DLG2: variants seen among roughly 807,000 people sequenced by gnomAD.
DLG2 encodes disks large homolog 2.
Under a neutral mutation model 132.5 loss-of-function variants are expected in DLG2, and 45 were observed. The ratio of observed to expected loss-of-function variants is 0.34; its 90% confidence interval spans 0.27 to 0.44. DLG2 has a LOEUF of 0.44. Among genes scored for constraint, DLG2 ranks in the 20% least tolerant of loss-of-function variants. DLG2 has a pLI of 1.00. For missense variants in DLG2, 1,045 were observed against 1,196.9 expected, an observed-to-expected ratio of 0.87 and a Z score of 1.87; for synonymous variants, 424 against 419.6, an observed-to-expected ratio of 1.01 and a Z score of -0.13.
At chr11:85,219,472 T>A (rs1281790983) in intron 4 of DLG2, among the ~76,000 whole-genome samples, 1 of 151,982 alleles carries the variant, frequency 6.6e-6, no homozygotes, top group African/African-American at 2.4e-5. Flanking sequence ...TACTGCATGA[T>A]GGTCAAAATA....
In DLG2 at chr11:83,975,829, A is replaced by G. The variant is rs189738623; in HGVS notation, c.1056+4677T>C. 2.4e-3 allele frequency among the ~76,000 whole-genome samples: 371 copies of G among 152,080 alleles called. 3 individuals carry two copies. The highest frequency in any genetic ancestry group is 8.5e-3 in the African/African-American group (355 of 41,546). ...TTGTTTTCAAGTGACAGAGCTATGAATAAAGGGGGACATTTACAGGAAAAT... is the reference window on the plus strand; with the variant it reads ...TTGTTTTCAAGTGACAGAGCTATGAGTAAAGGGGGACATTTACAGGAAAAT... On this transcript the variant is annotated intron_variant, in intron 12 of 27. Coordinates refer to ENST00000376104, the MANE Select transcript of DLG2 (RefSeq NM_001142699.3).
chr11:85,169,378 G>T (rs2078684564), intron 4 of DLG2, among the ~76,000 whole-genome samples: 2 of 152,030 alleles, frequency 1.3e-5, no homozygotes, highest in South Asian at 4.1e-4. Context: ...AAAATAAACT[G>T]ATAACATGAA....
intron 6 of DLG2, among the ~76,000 whole-genome samples, chr11:85,025,852 T>C (rs796322973): frequency 1.3e-5 from 2 of 151,546 alleles, no homozygotes; most frequent in African/African-American, 2.4e-5. Flanking sequence ...CAGTATATGA[T>C]AAACATAACA....
Position 85,481,384 on chromosome 11 carries a change from A to C in DLG2, c.40+117273T>G, listed in dbSNP as rs186157002. ...CACAAAAATACTTTCACAATAGGTAAGGAAACCAAGAGATTACAGCACCTG... is the reference window on the plus strand; with the variant it reads ...CACAAAAATACTTTCACAATAGGTACGGAAACCAAGAGATTACAGCACCTG... On this transcript the variant is annotated intron_variant, in intron 3 of 27. Coordinates refer to ENST00000376104, the MANE Select transcript of DLG2 (RefSeq NM_001142699.3). 1.4e-4 allele frequency among the ~76,000 whole-genome samples: 21 copies of C among 152,344 alleles called. 1 individual carries two copies. The highest frequency in any genetic ancestry group is 4.1e-4 in the African/African-American group (17 of 41,570).
At chr11:85,336,017 G>T (rs1042288703) in intron 3 of DLG2, 1 of 152,158 alleles carries the variant, frequency 6.6e-6, no homozygotes, top group Non-Finnish European at 1.5e-5. Context: ...TTTCTCCCTT[G>T]TAAGGTTTCA....
intron 7 of DLG2, among the ~76,000 whole-genome samples, chr11:84,378,292 A>G (rs1240375845): frequency 6.6e-6 from 1 of 152,092 alleles, no homozygotes; most frequent in Non-Finnish European, 1.5e-5. Context: ...TACACACATC[A>G]AGGAAAGGTC....
chr11:85,165,094 C>A (rs1261288526), intron 4 of DLG2, among the ~76,000 whole-genome samples: 1 of 152,064 alleles, frequency 6.6e-6, no homozygotes, highest in Non-Finnish European at 1.5e-5. Flanking sequence ...TTAAACTATT[C>A]CAAGTTAGCA....
intron 6 of DLG2, among the ~76,000 whole-genome samples, chr11:84,772,843 A>G (rs993136791): frequency 1.3e-5 from 2 of 152,168 alleles, no homozygotes; most frequent in African/African-American, 4.8e-5. Flanking sequence ...ATCAAATATT[A>G]TAAAGATCTA....
chr11:84,259,435 G>A (rs958367461), intron 7 of DLG2, among the ~76,000 whole-genome samples: 5 of 152,120 alleles, frequency 3.3e-5, no homozygotes, highest in Non-Finnish European at 5.9e-5. Context: ...ATATCATCCA[G>A]TGGCTTTGGC....
intron 3 of DLG2, among the ~76,000 whole-genome samples, chr11:85,415,168 T>C (rs1314341217): frequency 6.6e-6 from 1 of 152,212 alleles, no homozygotes; most frequent in Admixed American, 6.5e-5. Context: ...GCTTCATCCA[T>C]GTCCCTGCAA....
chr11:84,987,306 A>C (rs2056605253), intron 6 of DLG2, among the ~76,000 whole-genome samples: 1 of 152,236 alleles, frequency 6.6e-6, no homozygotes, highest in South Asian at 2.1e-4. Context: ...ATGATTAGGT[A>C]GAATCAATAT....
At chr11:84,100,618 G>T (rs879828122) in intron 9 of DLG2, among the ~76,000 whole-genome samples, 1 of 151,752 alleles carries the variant, frequency 6.6e-6, no homozygotes, top group Admixed American at 6.6e-5. Flanking sequence ...CTTGTCACTG[G>T]ATATTAAATT....
At chr11:85,319,359 G>A (rs894702588) in intron 3 of DLG2, among the ~76,000 whole-genome samples, 4 of 151,758 alleles carry the variant, frequency 2.6e-5, no homozygotes, top group Non-Finnish European at 5.9e-5. Context: ...TTGGAGAGTA[G>A]TTCCAGTACA....
intron 9 of DLG2, among the ~76,000 whole-genome samples, chr11:84,117,621 G>T (rs932098927): frequency 2.0e-5 from 3 of 152,148 alleles, no homozygotes; most frequent in African/African-American, 4.8e-5. Flanking sequence ...CAGATAACCA[G>T]TTGGGTTCAG....
In DLG2 at chr11:83,974,657, C is replaced by T. The variant is rs148522405; in HGVS notation, c.1056+5849G>A. Reference sequence around the variant, plus strand: ...TTGGTCACAGAGTCTATTCACGTGACACAGAAAAGAGAACAATATTTTAAA... The same window carrying T: ...TTGGTCACAGAGTCTATTCACGTGATACAGAAAAGAGAACAATATTTTAAA... On this transcript the variant is annotated intron_variant, in intron 12 of 27. Coordinates refer to ENST00000376104, the MANE Select transcript of DLG2 (RefSeq NM_001142699.3). Among the ~76,000 whole-genome samples, 18 of 152,064 alleles carry T rather than the reference C, an allele frequency of 1.2e-4. No homozygotes were observed. The East Asian group carries it at 3.5e-3, about 29-fold the overall frequency.
intron 6 of DLG2, among the ~76,000 whole-genome samples, chr11:84,845,728 T>C (rs1289054219): frequency 2.0e-5 from 3 of 151,214 alleles, no homozygotes; most frequent in Non-Finnish European, 4.4e-5. Flanking sequence ...TCACCCAGTC[T>C]GGAGTGCAGT....
intron 18 of DLG2, among the ~76,000 whole-genome samples, chr11:83,721,366 T>G (rs1566697262): frequency 6.6e-6 from 1 of 152,204 alleles, no homozygotes; most frequent in African/African-American, 2.4e-5. Flanking sequence ...AATTCAAACT[T>G]TAGCTACCAC....
intron 19 of DLG2, among the ~76,000 whole-genome samples, chr11:83,563,014 GC>G (rs1302756646): frequency 1.6e-5 from 2 of 128,806 alleles, no homozygotes; most frequent in African/African-American, 5.9e-5. Flanking sequence ...TCGCTCAGTT[GC>G]CCAGGCTGGA....
chr11:84,316,477 C>T (rs1313381883), intron 7 of DLG2, among the ~76,000 whole-genome samples: 1 of 151,888 alleles, frequency 6.6e-6, no homozygotes, highest in Non-Finnish European at 1.5e-5. Context: ...TTTTTCTCTG[C>T]TCTTTAAAAA....
Sources: gnomAD v4.1 joint callset for allele counts (sites outside exome capture counted in the v4.1 genomes callset) on GRCh38, gnomAD v4.1.1 for gene constraint, MANE v1.5 for transcripts, NCBI Gene and HGNC (gene_info 2026-07-23, HGNC 2026-07-21) for gene names.